The following SERPINE2 variants were observed in gnomAD, a reference collection of about 807,000 sequenced individuals.
SERPINE2 encodes serpin family E member 2.
Under a neutral mutation model 36.3 loss-of-function variants are expected in SERPINE2, and 14 were observed. The ratio of observed to expected loss-of-function variants is 0.39; its 90% CI spans 0.25 to 0.60. The LOEUF is 0.60. Ranked by LOEUF, SERPINE2 falls within the 20% of genes least tolerant of loss-of-function variation. The pLI is 0.57. For synonymous variants in SERPINE2, 192 were observed against 191.8 expected (o/e 1.00, Z -0.01); for missense variants, 418 against 499.6 (o/e 0.84, Z 1.56).
intron 1 of SERPINE2, chr2:224,030,773 GAA>G (rs773985860): frequency 5.9e-6 from 1 of 168,300 alleles, no homozygotes; most frequent in Non-Finnish European, 1.2e-5. Flanking sequence ...AGGCATGTTT[GAA>G]AAGTCATGGC....
At chr2:224,022,981 G>C (rs983255907) in intron 1 of SERPINE2, among the ~76,000 whole-genome samples, 1 of 152,184 alleles carries the variant, frequency 6.6e-6, no homozygotes, top group Non-Finnish European at 1.5e-5. Context: ...GAAGGTGCCT[G>C]CTTTTCCTTT....
chr2:223,975,732 G>T lies in SERPINE2; in HGVS notation c.*135C>A. On this transcript the variant is annotated 3_prime_UTR_variant, in exon 9 of 9. Transcript: ENST00000409304. The stretch of plus-strand genomic sequence containing the variant: ...CCCAGAACAGAAACACTTGCATCGA[G>T]TCTGTTCCTAAGAACTAGTTTTGAA... The T allele has an allele frequency of 1.5e-6, 1 of 665,502 alleles. No individual in the cohort carries two copies. Among genetic ancestry groups the T allele is most frequent in the Non-Finnish European group, 2.5e-6 (1 of 399,416 alleles). 41.2% of individuals were successfully genotyped at this position (665,502 alleles called of 1,614,324 possible).
At chr2:223,987,735 T>C (rs1040889983) in intron 4 of SERPINE2, among the ~76,000 whole-genome samples, 1 of 152,158 alleles carries the variant, frequency 6.6e-6, no homozygotes, top group African/African-American at 2.4e-5. Flanking sequence ...GTGTTTTGGG[T>C]GACCCAGTTT....
intron 8 of SERPINE2, among the ~76,000 whole-genome samples, chr2:223,977,096 G>A (rs1416867330): frequency 3.3e-5 from 5 of 152,182 alleles, no homozygotes; most frequent in Non-Finnish European, 7.3e-5. Context: ...GGCTTCCCTA[G>A]CCATGTGAAA....
chr2:224,016,506 C>A (rs1243030137), intron 1 of SERPINE2, among the ~76,000 whole-genome samples: 3 of 139,600 alleles, frequency 2.1e-5, no homozygotes, highest in African/African-American at 8.1e-5. Context: ...AAGTCCGTCT[C>A]AAAAAAAAAA....
At chr2:224,019,711 A>G (rs1691927665) in intron 1 of SERPINE2, among the ~76,000 whole-genome samples, 1 of 150,618 alleles carries the variant, frequency 6.6e-6, no homozygotes, top group South Asian at 2.1e-4. Context: ...AGTGGCCACC[A>G]TCTTATAAGC....
intron 7 of SERPINE2, chr2:223,978,812 A>G (rs1690113414): frequency 6.6e-6 from 1 of 152,350 alleles, no homozygotes. Context: ...TCTCCCCCCA[A>G]ATTCATATGC....
At chr2:224,005,055 T>TA (rs1691345812) in intron 1 of SERPINE2, among the ~76,000 whole-genome samples, 1 of 95,394 alleles carries the variant, frequency 1.0e-5, no homozygotes, top group Non-Finnish European at 1.9e-5. Context: ...TTTTATATAT[T>TA]TTATATATAT....
chr2:223,999,329 A>G (rs1239266637), intron 2 of SERPINE2, among the ~76,000 whole-genome samples: 2 of 152,224 alleles, frequency 1.3e-5, no homozygotes, highest in African/African-American at 4.8e-5. Context: ...ATGTGTTTCT[A>G]AAGAGAGCTC....
chr2:224,025,274 C>T (rs1481918158), intron 1 of SERPINE2, among the ~76,000 whole-genome samples: 1 of 152,216 alleles, frequency 6.6e-6, no homozygotes, highest in East Asian at 1.9e-4. Context: ...AGGATTGGCA[C>T]TAACCCCATT....
At chr2:224,002,896 T>C (rs529649931) in intron 1 of SERPINE2, among the ~76,000 whole-genome samples, 1 of 152,192 alleles carries the variant, frequency 6.6e-6, no homozygotes, top group East Asian at 1.9e-4. Flanking sequence ...GCATATGACA[T>C]AACTGAATGG....
intron 1 of SERPINE2, among the ~76,000 whole-genome samples, chr2:224,021,006 C>T (rs1407438259): frequency 6.6e-6 from 1 of 152,178 alleles, no homozygotes; most frequent in Non-Finnish European, 1.5e-5. Flanking sequence ...AACAAACGCT[C>T]CTAGACATGA....
intron 4 of SERPINE2, 84 bp from the exon 5 acceptor site, chr2:223,985,034 C>T (rs1028582723): frequency 6.8e-6 from 8 of 1,168,678 alleles, no homozygotes; most frequent in Non-Finnish European, 1.0e-5. Flanking sequence ...GGGATAGCTT[C>T]AGAGAGCAAC....
chr2:224,037,563 G>A (rs901199664), intron 1 of SERPINE2, among the ~76,000 whole-genome samples: 2 of 152,176 alleles, frequency 1.3e-5, no homozygotes, highest in Non-Finnish European at 2.9e-5. Context: ...AGGAGAAATA[G>A]CCCAAGAGCC....
At chr2:224,032,481 T>C (rs527358594) in intron 1 of SERPINE2, among the ~76,000 whole-genome samples, 3 of 152,260 alleles carry the variant, frequency 2.0e-5, no homozygotes, top group Non-Finnish European at 2.9e-5. Flanking sequence ...AGGTTACGAG[T>C]TCACACTAGG....
Position 223,998,159 on chromosome 2 carries a change from G to A in SERPINE2, c.443C>T (p.Ser148Phe). Residue 148 changes from serine (S) to phenylalanine (F), a missense_variant, in exon 3 of 9, where the codon TCT (serine) becomes TTT (phenylalanine). Physicochemically the swap from Ser to Phe is radical, Grantham distance 155. Coordinates refer to ENST00000409304, the MANE Select transcript of SERPINE2 (RefSeq NM_001136528.2). ...CCATGCATTGATGGAATCACAGGCA[G>A]AGGCTGGATCCTCAAAGTTCACATT... ...VRNVNFEDPASACDSINAWVK... is the reference protein window; with the variant it reads ...VRNVNFEDPAFACDSINAWVK... 5.6e-6 allele frequency: 9 copies of A among 1,614,222 alleles called. No individual in the cohort carries two copies. The highest frequency in any genetic ancestry group is 7.6e-6 in the Non-Finnish European group (9 of 1,180,044).
intron 1 of SERPINE2, among the ~76,000 whole-genome samples, chr2:224,018,305 A>C (rs1379292230): frequency 2.6e-5 from 4 of 152,228 alleles, no homozygotes; most frequent in African/African-American, 7.2e-5. Context: ...TTATACTAAC[A>C]TAATTCTTTA....
intron 6 of SERPINE2, 191 bp from the exon 7 acceptor site, chr2:223,980,588 G>A: frequency 1.8e-6 from 1 of 562,632 alleles, no homozygotes; most frequent in South Asian, 2.0e-5. Context: ...TCCCTGCTAA[G>A]TGAACTGTGA....
intron 4 of SERPINE2, among the ~76,000 whole-genome samples, chr2:223,991,073 T>C (rs1187123380): frequency 6.6e-6 from 1 of 152,230 alleles, no homozygotes; most frequent in Non-Finnish European, 1.5e-5. Flanking sequence ...TATTGACGTG[T>C]GAATATAAAG....
Sources: gnomAD v4.1 joint callset for allele counts (sites outside exome capture counted in the v4.1 genomes callset) on GRCh38, gnomAD v4.1.1 for gene constraint, MANE v1.5 for transcripts, NCBI Gene and HGNC (gene_info 2026-07-23, HGNC 2026-07-21) for gene names.